SGCD: variants seen among roughly 807,000 people sequenced by gnomAD.
SGCD encodes delta-sarcoglycan.
A neutral mutation model predicts 36.6 loss-of-function variants in SGCD; 18 were observed. That is an observed-to-expected ratio of 0.49 (90% confidence interval 0.34 to 0.73). SGCD has a LOEUF of 0.73. SGCD is among the 30% of genes least tolerant of loss of function. The pLI, the probability that SGCD is intolerant of heterozygous loss-of-function variation, is 0.01. For missense variants in SGCD, 387 were observed against 346.7 expected, an observed-to-expected ratio of 1.12 and a Z score of -0.92; for synonymous variants, 133 against 130.6, an observed-to-expected ratio of 1.02 and a Z score of -0.12.
chr5:156,009,148 T>G, intron 1 of SGCD, among the ~76,000 whole-genome samples: 1 of 152,206 alleles, frequency 6.6e-6, no homozygotes, highest in Non-Finnish European at 1.5e-5. Flanking sequence ...TTTGGTACTT[T>G]CCTCTCTGTA....
chr5:155,868,745 A>G (rs1443491620), upstream of SGCD, among the ~76,000 whole-genome samples: 1 of 152,228 alleles, frequency 6.6e-6, no homozygotes, highest in Non-Finnish European at 1.5e-5. Flanking sequence ...GGCTTAAGTT[A>G]GCTGAAATGG....
chr5:156,341,878 A>C (rs1353830081), intron 2 of SGCD, among the ~76,000 whole-genome samples: 1 of 152,054 alleles, frequency 6.6e-6, no homozygotes, highest in African/African-American at 2.4e-5. Context: ...TGCCCAGCTA[A>C]TTTTTGTATT....
At chr5:156,742,923 A>C (rs968422182) in intron 7 of SGCD, among the ~76,000 whole-genome samples, 1 of 152,160 alleles carries the variant, frequency 6.6e-6, no homozygotes, top group Non-Finnish European at 1.5e-5. Flanking sequence ...TCAAATGTTA[A>C]TCTCATCCAG....
At chr5:156,426,380 G>A (rs1233993547) in intron 3 of SGCD, among the ~76,000 whole-genome samples, 2 of 151,940 alleles carry the variant, frequency 1.3e-5, no homozygotes, top group African/African-American at 2.4e-5. Context: ...CTTGAGAATT[G>A]TCTATTCATG....
At chr5:156,493,731 AC>A (rs1756047351) in intron 3 of SGCD, among the ~76,000 whole-genome samples, 1 of 152,178 alleles carries the variant, frequency 6.6e-6, no homozygotes, top group Admixed American at 6.5e-5. Context: ...AAATTATTAA[AC>A]GACTATCTTA....
intron 1 of SGCD, among the ~76,000 whole-genome samples, chr5:155,956,570 G>A (rs539277326): frequency 6.6e-6 from 1 of 152,182 alleles, no homozygotes; most frequent in African/African-American, 2.4e-5. Context: ...GTGTTTTCAA[G>A]CAACACAAAT....
intron 3 of SGCD, among the ~76,000 whole-genome samples, chr5:156,321,084 T>C (rs547875732): frequency 1.5e-3 from 228 of 152,288 alleles, no homozygotes; most frequent in Non-Finnish European, 2.8e-3. Flanking sequence ...TGCCTAAATA[T>C]TGCCTCATAA....
At chr5:156,254,606 T>A (rs1477904739) in intron 3 of SGCD, among the ~76,000 whole-genome samples, 1 of 152,224 alleles carries the variant, frequency 6.6e-6, no homozygotes, top group African/African-American at 2.4e-5. Flanking sequence ...CCCAGTGATT[T>A]GAGAGGCTGA....
intron 3 of SGCD, among the ~76,000 whole-genome samples, chr5:156,234,289 T>A (rs952122997): frequency 1.3e-5 from 2 of 152,232 alleles, no homozygotes; most frequent in African/African-American, 4.8e-5. Flanking sequence ...CAGACCTTTA[T>A]CAAATATATG....
At chr5:156,301,819 T>C (rs1767061154) in intron 3 of SGCD, among the ~76,000 whole-genome samples, 1 of 151,980 alleles carries the variant, frequency 6.6e-6, no homozygotes. Flanking sequence ...CTCAGCACTT[T>C]ACATATGTCA....
chr5:156,238,451 T>C (rs1478707067), intron 3 of SGCD, among the ~76,000 whole-genome samples: 1 of 152,156 alleles, frequency 6.6e-6, no homozygotes, highest in Non-Finnish European at 1.5e-5. Context: ...TTTTGCCTCA[T>C]GGAATTACCT....
At chr5:156,264,447 TC>T (rs1765951433) in intron 3 of SGCD, among the ~76,000 whole-genome samples, 1 of 152,150 alleles carries the variant, frequency 6.6e-6, no homozygotes, top group Non-Finnish European at 1.5e-5. Context: ...TACAAAATTT[TC>T]ATAAATGTCT....
At chr5:155,934,635 C>A (rs1233743846) in intron 1 of SGCD, among the ~76,000 whole-genome samples, 1 of 152,086 alleles carries the variant, frequency 6.6e-6, no homozygotes, top group African/African-American at 2.4e-5. Flanking sequence ...ATTTATTAAC[C>A]ATTGTAGTGG....
chr5:156,237,827 A>G (rs1308210160), intron 3 of SGCD, among the ~76,000 whole-genome samples: 4 of 152,200 alleles, frequency 2.6e-5, no homozygotes, highest in African/African-American at 7.2e-5. Context: ...TATGTGCCAG[A>G]TACTGGAGAT....
chr5:156,299,609 A>G (rs535731425), intron 3 of SGCD, among the ~76,000 whole-genome samples: 1 of 152,054 alleles, frequency 6.6e-6, no homozygotes, highest in Admixed American at 6.5e-5. Context: ...TCCTCAATTT[A>G]TTGCATCAGT....
the SGCD span, among the ~76,000 whole-genome samples, chr5:155,778,356 A>G: frequency 6.6e-6 from 1 of 152,148 alleles, no homozygotes; most frequent in Non-Finnish European, 1.5e-5. Flanking sequence ...TTGTTTCCTA[A>G]TATATCGACT....
At chr5:156,460,359 A>C (rs1754432995) in intron 3 of SGCD, among the ~76,000 whole-genome samples, 1 of 152,186 alleles carries the variant, frequency 6.6e-6, no homozygotes, top group Non-Finnish European at 1.5e-5. Context: ...TGAAATCAAG[A>C]TCTGGAAATC....
At chr5:156,001,674 C>T (rs958376688) in intron 1 of SGCD, among the ~76,000 whole-genome samples, 4 of 152,058 alleles carry the variant, frequency 2.6e-5, no homozygotes, top group Admixed American at 6.6e-5. Context: ...TAGATAAATG[C>T]GTTTTTTTGG....
At chr5:156,688,198 T>A (rs898107154) in intron 7 of SGCD, among the ~76,000 whole-genome samples, 1 of 152,176 alleles carries the variant, frequency 6.6e-6, no homozygotes, top group African/African-American at 2.4e-5. Context: ...TTTTTCCTGA[T>A]CCTCTCCCTC....
Sources: allele counts gnomAD v4.1 joint callset (sites outside exome capture counted in the v4.1 genomes callset), GRCh38; gene constraint gnomAD v4.1.1; transcripts MANE v1.5; gene names NCBI Gene and HGNC (gene_info 2026-07-23, HGNC 2026-07-21).